WASF3: variants seen among roughly 807,000 people sequenced by gnomAD.
The protein encoded by WASF3 is WASP family member 3.
Under a neutral mutation model 46.6 loss-of-function variants are expected in WASF3, and 11 were observed. The ratio of observed to expected loss-of-function variants is 0.24; its 90% CI spans 0.15 to 0.39. The LOEUF (loss-of-function observed/expected upper bound fraction) is 0.39, where lower values mean the gene tolerates loss of function less well. Among genes scored for constraint, WASF3 ranks in the 10% least tolerant of loss-of-function variants. The pLI, the probability that WASF3 is intolerant of heterozygous loss-of-function variation, is 1.00. For missense variants in WASF3, 576 were observed against 669.8 expected, an observed-to-expected ratio of 0.86 and a Z score of 1.55; for synonymous variants, 242 against 259.7, an observed-to-expected ratio of 0.93 and a Z score of 0.65.
chr13:26,650,986 T>G (rs1473137116), intron 3 of WASF3, among the ~76,000 whole-genome samples: 2 of 152,090 alleles, frequency 1.3e-5, no homozygotes. Context: ...GAAGATAAGT[T>G]TTGAATATTG....
chr13:26,579,510 C>G (rs1296329096), intron 1 of WASF3, among the ~76,000 whole-genome samples: 1 of 152,086 alleles, frequency 6.6e-6, no homozygotes, highest in Non-Finnish European at 1.5e-5. Context: ...TAGTGGCATT[C>G]TTTTACTGAA....
At chr13:26,556,484 T>C (rs1174336852), upstream of WASF3, among the ~76,000 whole-genome samples, 1 of 152,242 alleles carries the variant, frequency 6.6e-6, no homozygotes, top group African/African-American at 2.4e-5. Context: ...AAAATCCTGT[T>C]TACCTTGTTA....
At chr13:26,670,568 A>G (rs1384383733) in intron 5 of WASF3, among the ~76,000 whole-genome samples, 1 of 152,198 alleles carries the variant, frequency 6.6e-6, no homozygotes, top group African/African-American at 2.4e-5. Flanking sequence ...TCCCGCCTTC[A>G]TGAAGGTACT....
At chr13:26,570,611 A>T (rs1879606769) in intron 1 of WASF3, among the ~76,000 whole-genome samples, 1 of 152,090 alleles carries the variant, frequency 6.6e-6, no homozygotes, top group African/African-American at 2.4e-5. Context: ...TCTTTATCAG[A>T]TTCCAGAGCT....
At position 26,642,421 on chromosome 13, in the gene WASF3, T is replaced by C. The variant is rs1367594447; in HGVS notation, c.133+18T>C. The C allele has an allele frequency of 1.3e-6, 2 of 1,569,296 alleles. No homozygotes were observed. The highest frequency in any genetic ancestry group is 1.7e-6 in the Non-Finnish European group (2 of 1,163,918). On this transcript the variant is annotated intron_variant, in intron 3 of 9. Transcript: ENST00000335327. The stretch of plus-strand genomic sequence containing the variant: ...CAGTCTGAGTAAGCCATCTTTTTTC[T>C]GATTACCAATGACATTAACTTTTTG...
chr13:26,565,920 T>C (rs1461048544), intron 1 of WASF3, among the ~76,000 whole-genome samples: 3 of 152,256 alleles, frequency 2.0e-5, no homozygotes, highest in South Asian at 4.1e-4. Context: ...CATGTCCAGT[T>C]CCCACCCCTC....
At chr13:26,649,229 ATTC>A in intron 3 of WASF3, among the ~76,000 whole-genome samples, 1 of 152,316 alleles carries the variant, frequency 6.6e-6, no homozygotes, top group South Asian at 2.1e-4. Flanking sequence ...TTAATCTACT[ATTC>A]TTTTACGTAC....
At chr13:26,681,377 CTA>C in intron 8 of WASF3, 57 bp downstream of exon 8, 1 of 1,492,686 alleles carries the variant, frequency 6.7e-7, no homozygotes, top group Non-Finnish European at 8.9e-7. Flanking sequence ...GAATCTTGCT[CTA>C]TGTGGTAGGA....
chr13:26,648,253 CATT>C (rs1331387368), intron 3 of WASF3, among the ~76,000 whole-genome samples: 1 of 152,116 alleles, frequency 6.6e-6, no homozygotes, highest in Non-Finnish European at 1.5e-5. Context: ...CTTTGCAAAT[CATT>C]ATAAAATCTA....
chr13:26,630,171 TTTTTATA>T (rs1593158319), intron 2 of WASF3, among the ~76,000 whole-genome samples: 4 of 152,226 alleles, frequency 2.6e-5, no homozygotes, highest in South Asian at 4.2e-4. Context: ...TTTTGTTTTG[TTTTTATA>T]CTTAAAGTTC....
intron 1 of WASF3, among the ~76,000 whole-genome samples, chr13:26,582,670 C>G (rs1340860734): frequency 1.0e-5 from 1 of 96,782 alleles, no homozygotes; most frequent in Non-Finnish European, 1.9e-5. Flanking sequence ...GAGTGAGACT[C>G]CGTCTCAAAA....
chr13:26,633,102 G>T (rs929300356), intron 2 of WASF3, among the ~76,000 whole-genome samples: 79 of 148,632 alleles, frequency 5.3e-4, no homozygotes, highest in Non-Finnish European at 1.9e-4. Context: ...TATCAATTTT[G>T]TTGATCTTTT....
At chr13:26,550,845 G>C in the WASF3 span, among the ~76,000 whole-genome samples, 4 of 152,126 alleles carry the variant, frequency 2.6e-5, no homozygotes, top group Non-Finnish European at 5.9e-5. Context: ...GTGGGAGTAG[G>C]CAGCCTGCAT....
rs746423588 is a variant in WASF3, at chr13:26,682,630, A to G, written c.1007A>G (p.Glu336Gly). 1.9e-6 allele frequency: 3 copies of G among 1,614,122 alleles called. No homozygotes were observed. The highest frequency in any genetic ancestry group is 2.5e-6 in the Non-Finnish European group (3 of 1,180,016). Reference sequence around the variant, plus strand: ...AGGATGCTCCCAGCGCAGATAATTGAGTATTACAACCCATCCGGACCACCT... The same window carrying G: ...AGGATGCTCCCAGCGCAGATAATTGGGTATTACAACCCATCCGGACCACCT... The part of the protein sequence containing the change: ...DYGMLPAQII[E>G]YYNPSGPPPP... Residue 336 changes from glutamate (E) to glycine (G), a missense_variant, in exon 9 of 10, where the codon GAG becomes GGG. By Grantham distance (98) the Glu-to-Gly change is moderately conservative. Coordinates refer to ENST00000335327, the MANE Select transcript of WASF3 (RefSeq NM_006646.6). This position sits in a 1 kb window ranked among gnomAD's most constrained non-coding sequence, Gnocchi z 4.4.
chr13:26,626,454 G>C (rs553429269), intron 2 of WASF3: 4 of 152,330 alleles, frequency 2.6e-5, no homozygotes, highest in Admixed American at 6.5e-5. Flanking sequence ...GCACAGATGG[G>C]CCTAGCAGAA....
At chr13:26,584,753 A>T (rs1030844239) in intron 1 of WASF3, among the ~76,000 whole-genome samples, 8 of 152,230 alleles carry the variant, frequency 5.3e-5, no homozygotes, top group Non-Finnish European at 1.2e-4. Context: ...CAGAAATTTT[A>T]GTTGCTCGTG....
intron 2 of WASF3, chr13:26,641,369 G>C (rs528249): frequency 0.84 from 128,315 of 152,094 alleles, 54,165 homozygotes; most frequent in East Asian, 0.9. Context: ...TGGGGACATT[G>C]ACCTGCTGCC....
chr13:26,577,197 A>G, intron 1 of WASF3: 2 of 744,692 alleles, frequency 2.7e-6, no homozygotes, highest in Non-Finnish European at 4.9e-6. Flanking sequence ...CATGGATCTT[A>G]CCTGTGACAA....
intron 1 of WASF3, among the ~76,000 whole-genome samples, chr13:26,596,798 A>T (rs1880479641): frequency 6.6e-6 from 1 of 152,148 alleles, no homozygotes; most frequent in Admixed American, 6.5e-5. Flanking sequence ...GCTCTTGGGC[A>T]GTTTCCTTGT....
Sources: gnomAD v4.1 joint callset for allele counts (sites outside exome capture counted in the v4.1 genomes callset) on GRCh38, gnomAD v4.1.1 for gene constraint, Gnocchi (gnomAD v3.1) non-coding constraint, MANE v1.5 for transcripts, NCBI Gene and HGNC (gene_info 2026-07-23, HGNC 2026-07-21) for gene names.